Variants in PDLIM5 observed in about 807,000 individuals in gnomAD.
PDLIM5 encodes the protein PDZ and LIM domain 5.
A neutral mutation model predicts 64.2 loss-of-function variants in PDLIM5; 34 were observed. The ratio of observed to expected loss-of-function variants is 0.53; its 90% CI spans 0.40 to 0.71. PDLIM5 has a LOEUF of 0.71. PDLIM5 is among the 30% of genes least tolerant of loss of function. The pLI is 0.00. For missense variants in PDLIM5, 683 were observed against 733.6 expected, an observed-to-expected ratio of 0.93 and a Z score of 0.80; for synonymous variants, 253 against 269.1, an observed-to-expected ratio of 0.94 and a Z score of 0.59.
intron 2 of PDLIM5, among the ~76,000 whole-genome samples, chr4:94,497,925 G>A (rs1727550907): frequency 6.6e-6 from 1 of 152,168 alleles, no homozygotes; most frequent in Non-Finnish European, 1.5e-5. Flanking sequence ...AGGAACTCAG[G>A]ATACCTGTTT....
At chr4:94,648,343 T>A (rs1368062035) in intron 9 of PDLIM5, among the ~76,000 whole-genome samples, 2 of 152,204 alleles carry the variant, frequency 1.3e-5, no homozygotes, top group Middle Eastern at 3.4e-3. Context: ...GTTTTGAGAC[T>A]GAGTCTCACT....
chr4:94,456,619 G>A, intron 2 of PDLIM5: 1 of 753,332 alleles, frequency 1.3e-6, no homozygotes, highest in African/African-American at 1.7e-5. Flanking sequence ...TATAAGGAAA[G>A]TGACATTTAA....
At chr4:94,465,646 G>A (rs1047938477) in intron 2 of PDLIM5, among the ~76,000 whole-genome samples, 5 of 151,946 alleles carry the variant, frequency 3.3e-5, no homozygotes, top group Non-Finnish European at 5.9e-5. Context: ...CCTGACTCCC[G>A]CCTCAGCTTA....
intron 3 of PDLIM5, among the ~76,000 whole-genome samples, chr4:94,537,299 C>A (rs2510778): frequency 0.23 from 34,716 of 151,962 alleles, 4,195 homozygotes; most frequent in East Asian, 0.41. Context: ...TTTCCTGTTA[C>A]AATGAATGTG....
At chr4:94,612,979 G>T (rs1161124180) in intron 7 of PDLIM5, among the ~76,000 whole-genome samples, 11 of 147,688 alleles carry the variant, frequency 7.4e-5, no homozygotes, top group Admixed American at 4.1e-4. Context: ...TTAAATTTTG[G>T]TTTACAAACT....
intron 8 of PDLIM5, among the ~76,000 whole-genome samples, chr4:94,630,958 G>A (rs903796475): frequency 6.6e-6 from 1 of 151,798 alleles, no homozygotes; most frequent in East Asian, 1.9e-4. Context: ...CCCAGGCTGA[G>A]GTGCAGTGAT....
intron 2 of PDLIM5, among the ~76,000 whole-genome samples, chr4:94,466,763 G>A (rs1035259185): frequency 2.6e-5 from 4 of 152,120 alleles, no homozygotes; most frequent in Admixed American, 6.5e-5. Flanking sequence ...GAAGTAAATG[G>A]CAGTTTTAAT....
In PDLIM5 at chr4:94,666,184, C is replaced by T; in HGVS notation, c.*2117C>T. 1 of 577,616 alleles carries T rather than the reference C, an allele frequency of 1.7e-6. No homozygotes were observed. Among genetic ancestry groups the T allele is most frequent in the Non-Finnish European group, 2.9e-6 (1 of 343,496 alleles). The allele number at this position is 577,616 out of a possible 1,614,324, so 35.8% of individuals were successfully genotyped here. ...TGTTTGTTATAGAGGAGGTTTTAGG[C>T]TACAATATTTGTTTAACCTCCCTAA... On this transcript the variant is annotated 3_prime_UTR_variant, in exon 13 of 13. Transcript: ENST00000317968.
At chr4:94,549,579 A>G (rs1487864294) in intron 3 of PDLIM5, among the ~76,000 whole-genome samples, 1 of 152,190 alleles carries the variant, frequency 6.6e-6, no homozygotes, top group African/African-American at 2.4e-5. Flanking sequence ...ATGGAACAAT[A>G]TGTATTATTA....
At chr4:94,498,058 A>G (rs1381081216) in intron 2 of PDLIM5, among the ~76,000 whole-genome samples, 2 of 152,190 alleles carry the variant, frequency 1.3e-5, no homozygotes, top group South Asian at 4.1e-4. Context: ...CTAAACCTAG[A>G]TATTCAGCCA....
At chr4:94,561,720 C>G (rs1733866324) in intron 3 of PDLIM5, among the ~76,000 whole-genome samples, 1 of 152,112 alleles carries the variant, frequency 6.6e-6, no homozygotes, top group African/African-American at 2.4e-5. Context: ...TTTTCTCCCA[C>G]CAAGGAATCT....
chr4:94,652,864 C>T (rs1179532829), intron 9 of PDLIM5, among the ~76,000 whole-genome samples: 6 of 152,094 alleles, frequency 3.9e-5, no homozygotes, highest in Admixed American at 2.0e-4. Flanking sequence ...TTACACCCCA[C>T]GTAAAAATTT....
intron 8 of PDLIM5, among the ~76,000 whole-genome samples, chr4:94,625,588 G>T (rs1417414711): frequency 6.6e-6 from 1 of 151,950 alleles, no homozygotes; most frequent in African/African-American, 2.4e-5. Flanking sequence ...AAGTAGCTGG[G>T]ACTACAGGCG....
chr4:94,535,835 CTT>C (rs10590994), intron 3 of PDLIM5, among the ~76,000 whole-genome samples: 48,580 of 122,860 alleles, frequency 0.4, 10,584 homozygotes, highest in South Asian at 0.66. Context: ...ATAAGGTCCT[CTT>C]TTTTTTTTTT....
At chr4:94,583,314 TTAGG>T (rs1735891414) in intron 5 of PDLIM5, among the ~76,000 whole-genome samples, 1 of 152,096 alleles carries the variant, frequency 6.6e-6, no homozygotes, top group East Asian at 1.9e-4. Flanking sequence ...AAAATACTAC[TTAGG>T]TAGTGTCATT....
rs189458328 is a variant in PDLIM5 at position 94,521,298 on chromosome 4, T to G, written c.97-2426T>G. ...AAGAAAAGGAGACAAATATGGAGAA[T>G]GTGAAGGTAGGAAAGGTCTGTAGAA... On this transcript the variant is annotated intron_variant, in intron 2 of 12. Coordinates refer to ENST00000317968, the MANE Select transcript of PDLIM5 (RefSeq NM_006457.5). Among the ~76,000 whole-genome samples the G allele has an allele frequency of 3.9e-3, 594 of 152,046 alleles. 2 individuals carry two copies. Among genetic ancestry groups the G allele is most frequent in the Middle Eastern group, 0.01 (3 of 294 alleles).
intron 3 of PDLIM5, among the ~76,000 whole-genome samples, chr4:94,571,215 T>C (rs1349064748): frequency 6.6e-6 from 1 of 152,234 alleles, no homozygotes; most frequent in African/African-American, 2.4e-5. Context: ...CAATTTTAGT[T>C]TTTAACATAG....
chr4:94,539,272 T>A (rs1390021298), intron 3 of PDLIM5, among the ~76,000 whole-genome samples: 1 of 152,234 alleles, frequency 6.6e-6, no homozygotes, highest in Non-Finnish European at 1.5e-5. Context: ...TATATGTGTC[T>A]ATTTATAATA....
rs115892415 is a variant in PDLIM5, at chr4:94,577,178, T to C, written c.710+1144T>C. The C allele has an allele frequency of 1.7e-3, 798 of 456,452 alleles. 4 individuals are homozygous for C. Among genetic ancestry groups the C allele is most frequent in the African/African-American group, 0.014 (716 of 50,158 alleles). 28.3% of individuals were successfully genotyped at this position (456,452 alleles called of 1,614,324 possible). A position where few individuals can be genotyped will look rare whatever the true frequency, so the allele number is the denominator to read the frequency against. Reference sequence around the variant, plus strand: ...ACCTTAAAAGGAAGACAAAGGGAAATAGTCTACAGGCCTGATGGTTTTTAC... The same window carrying C: ...ACCTTAAAAGGAAGACAAAGGGAAACAGTCTACAGGCCTGATGGTTTTTAC... On this transcript the variant is annotated intron_variant, in intron 5 of 12. Coordinates refer to ENST00000317968, the MANE Select transcript of PDLIM5 (RefSeq NM_006457.5).
Sources: allele counts gnomAD v4.1 joint callset (sites outside exome capture counted in the v4.1 genomes callset), GRCh38; gene constraint gnomAD v4.1.1; transcripts MANE v1.5; gene names NCBI Gene and HGNC (gene_info 2026-07-23, HGNC 2026-07-21).